Variants in VGF observed in about 807,000 individuals in gnomAD.
VGF encodes VGF nerve growth factor inducible, also known as neurosecretory protein VGF.
VGF carries 13 observed loss-of-function variants against 41.1 expected under a neutral mutation model. That is an observed-to-expected ratio of 0.32 (90% CI 0.21 to 0.50). The LOEUF (loss-of-function observed/expected upper bound fraction) is 0.50. Among genes scored for constraint, VGF ranks in the 20% least tolerant of loss-of-function variants. The pLI, the probability that VGF is intolerant of heterozygous loss-of-function variation, is 0.98. For missense variants in VGF, 920 were observed against 882.1 expected (o/e 1.04, Z -0.54); for synonymous variants, 473 against 418.3 (o/e 1.13, Z -1.60).
chr7:101,162,755 C>T lies in VGF; in HGVS notation c.*241G>A. ...GCCGGGGCCCCGCGTGGCAAGGGAA[C>T]TCGCACAAACCACCCGCCCTCCTGG... On this transcript the variant is annotated 3_prime_UTR_variant, in exon 2 of 2. Coordinates refer to ENST00000249330, the MANE Select transcript of VGF (RefSeq NM_003378.4). The surrounding 1 kb of genome is among the most constrained non-coding windows in gnomAD (Gnocchi z 4.2). 1.6e-6 allele frequency: 1 copy of T among 624,434 alleles called. No individual in the cohort carries two copies. The highest frequency in any genetic ancestry group is 3.0e-6 in the Non-Finnish European group (1 of 335,682). 38.7% of individuals were successfully genotyped at this position (624,434 alleles called of 1,614,324 possible).
rs1377054095 is a variant in VGF at position 101,163,100 on chromosome 7, G to A, written c.1744C>T (p.Gln582Ter). 6.4e-7 allele frequency: 1 copy of A among 1,574,228 alleles called. No homozygotes were observed. The highest frequency in any genetic ancestry group is 8.6e-7 in the Non-Finnish European group (1 of 1,163,468). The part of the protein sequence containing the change: ...PSRHYPGREA[Q>*]ARRAQEEAEA... ...GCCTCCTCCTGCGCGCGCCGCGCCT[G>A]GGCCTCCCGGCCGGGATAGTGGCGC... Residue 582 changes from glutamine to a stop codon, truncating the protein, a stop_gained, in exon 2 of 2, where the codon CAG becomes TAG. Coordinates refer to ENST00000249330, the MANE Select transcript of VGF (RefSeq NM_003378.4). LOFTEE classifies it high-confidence loss of function. This position sits in a 1 kb window ranked among gnomAD's most constrained non-coding sequence, Gnocchi z 5.0.
chr7:101,168,812 C>T (rs371645055), upstream of VGF, among the ~76,000 whole-genome samples: 4 of 152,146 alleles, frequency 2.6e-5, no homozygotes, highest in African/African-American at 9.6e-5. Flanking sequence ...CTTGTGGACC[C>T]CGAAGCTCAC....
chr7:101,163,951 TG>T lies in VGF; in HGVS notation c.892del (p.Gln298SerfsTer376). ...GGSEAGERLLQQGLAQVEAGR... is the reference protein window; with the variant it reads ...GGSEAGERLLXQGLAQVEAGR... ...GGCCTCCACCTGCGCCAGCCCTTGC[TG>T]GAGAAGGCGCTCGCCCGCCTCGGAG... On this transcript the variant is annotated frameshift_variant, in exon 2 of 2. Transcript: ENST00000249330. LOFTEE classifies it high-confidence loss of function. The surrounding 1 kb of genome is among the most constrained non-coding windows in gnomAD (Gnocchi z 5.0). 6.9e-7 allele frequency: 1 copy of T among 1,458,574 alleles called. No individual in the cohort carries two copies. Among genetic ancestry groups the T allele is most frequent in the South Asian group, 1.4e-5 (1 of 71,632 alleles). The allele number at this position is 1,458,574 out of a possible 1,614,324, so 90.4% of individuals were successfully genotyped here.
At position 101,164,065 on chromosome 7, in the gene VGF, T is replaced by G. The variant is rs763753177; in HGVS notation, c.779A>C (p.Glu260Ala). The G allele has an allele frequency of 2.7e-6, 4 of 1,498,252 alleles. No homozygotes were observed. Among genetic ancestry groups the G allele is most frequent in the Non-Finnish European group, 8.8e-7 (1 of 1,132,010 alleles). The allele number at this position is 1,498,252 out of a possible 1,614,324, so 92.8% of individuals were successfully genotyped here. A position where few individuals can be genotyped will look rare whatever the true frequency, so the allele number is the denominator to read the frequency against. ...GVSSPKTHLG[E>A]ALAPLSKAYQ... Reference sequence around the variant, plus strand: ...CGCCTTGGACAGGGGTGCCAATGCCTCGCCTAGGTGTGTTTTGGGGGAGGA... The same window carrying G: ...CGCCTTGGACAGGGGTGCCAATGCCGCGCCTAGGTGTGTTTTGGGGGAGGA... The change falls in exon 2 of 2, where the codon GAG becomes GCG. Residue 260 changes from glutamate to alanine, a missense_variant. Physicochemically the swap from Glu to Ala is moderately radical, Grantham distance 107. Coordinates refer to ENST00000249330, the MANE Select transcript of VGF (RefSeq NM_003378.4).
Position 101,164,138 on chromosome 7 carries a change from G to T in VGF, c.706C>A (p.Pro236Thr). The T allele has an allele frequency of 6.6e-7, 1 of 1,504,334 alleles. No homozygotes were observed. Among genetic ancestry groups the T allele is most frequent in the Non-Finnish European group, 8.8e-7 (1 of 1,134,684 alleles). 93.2% of individuals were successfully genotyped at this position (1,504,334 alleles called of 1,614,324 possible). The part of the protein sequence containing the change: ...PAPSQFQARM[P>T]DSGPLPETHK... Reference sequence around the variant, plus strand: ...GTTTCGGGAAGGGGCCCGCTGTCGGGCATACGCGCCTGGAATTGAGAGGGG... The same window carrying T: ...GTTTCGGGAAGGGGCCCGCTGTCGGTCATACGCGCCTGGAATTGAGAGGGG... Residue 236 changes from proline (P) to threonine (T), a missense_variant, in exon 2 of 2, where the codon CCC (proline) becomes ACC (threonine). Pro to Thr is a conservative substitution (Grantham distance 38, BLOSUM62 -1). This residue lies in a region of VGF where 654 missense variants were observed against 638.4 expected (regional missense o/e 1.02). Transcript: ENST00000249330.
Position 101,163,101 on chromosome 7 carries a change from G to C in VGF, c.1743C>G (p.Ala581=). The stretch of plus-strand genomic sequence containing the variant: ...CCTCCTCCTGCGCGCGCCGCGCCTG[G>C]GCCTCCCGGCCGGGATAGTGGCGCG... ...PPSRHYPGRE[A]QARRAQEEAE... Residue 581 remains alanine (A), a synonymous_variant, in exon 2 of 2, where the codon GCC becomes GCG. Transcript: ENST00000249330. This position sits in a 1 kb window ranked among gnomAD's most constrained non-coding sequence, Gnocchi z 5.0. The C allele has an allele frequency of 6.3e-7, 1 of 1,574,944 alleles. No homozygotes were observed. The highest frequency in any genetic ancestry group is 1.1e-5 in the South Asian group (1 of 87,100).
Position 101,165,526 on chromosome 7 carries a change from C to T in VGF, c.-173G>A. On this transcript the variant is annotated 5_prime_UTR_variant, in exon 1 of 2. Transcript: ENST00000249330. ...TCCCGTGGGCTGGGCTCAGCTGGGT[C>T]GGCGCGGCTCCGGGCGGCTAGCTCG... is the stretch of plus-strand genomic sequence containing the variant. 5.1e-6 allele frequency: 5 copies of T among 985,428 alleles called. No individual in the cohort carries two copies. Among genetic ancestry groups the T allele is most frequent in the Non-Finnish European group, 6.0e-6 (5 of 829,944 alleles). 61.0% of individuals were successfully genotyped at this position (985,428 alleles called of 1,614,324 possible).
At chr7:101,167,999 G>A (rs1433941091), upstream of VGF, among the ~76,000 whole-genome samples, 2 of 145,260 alleles carry the variant, frequency 1.4e-5, no homozygotes, top group East Asian at 4.3e-4. This position sits in a 1 kb window ranked among gnomAD's most constrained non-coding sequence, Gnocchi z 4.2. Context: ...GCGTGTGTGT[G>A]TGCTGGGTTG....
At position 101,163,036 on chromosome 7, in the gene VGF, AGCTCCTCCTGCTCCTGCAGCCGGC is replaced by A; in HGVS notation, c.1784_1807del (p.Arg595_Glu602del). ...CAGCACGTGCTCGATGTAATTCTCC[AGCTCCTCCTGCTCCTGCAGCCGGC>A]GCTCCTCCGCCTCCGCCTCCTCCTG... On this transcript the variant is annotated inframe_deletion, in exon 2 of 2. Transcript: ENST00000249330. This position sits in a 1 kb window ranked among gnomAD's most constrained non-coding sequence, Gnocchi z 5.0. The A allele has an allele frequency of 6.4e-7, 1 of 1,566,044 alleles. No homozygotes were observed. Among genetic ancestry groups the A allele is most frequent in the East Asian group, 2.5e-5 (1 of 39,502 alleles).
At chr7:101,164,928 TC>T (rs1382028194) in intron 1 of VGF, 65 bp from the exon 2 acceptor site, 15 of 1,445,458 alleles carry the variant, frequency 1.0e-5, no homozygotes, top group Non-Finnish European at 1.4e-5. Flanking sequence ...AGGTCTACGT[TC>T]CCTTCCCCCA....
Position 101,164,505 on chromosome 7 carries a change from A to T in VGF, c.339T>A (p.Ala113=). Residue 113 remains alanine (A), a synonymous_variant, in exon 2 of 2, where the codon GCT becomes GCA. Coordinates refer to ENST00000249330, the MANE Select transcript of VGF (RefSeq NM_003378.4). ...GGCTGCGCACGGTCTCGGTCAGCAG[A>T]GCTTCAGCTGCTTCTTCCTCCGGCC... ...QQGPEEEAAE[A]LLTETVRSQT... 3 of 1,600,260 alleles carry T rather than the reference A, an allele frequency of 1.9e-6. No individual in the cohort carries two copies. The highest frequency in any genetic ancestry group is 2.5e-6 in the Non-Finnish European group (3 of 1,179,016).
Position 101,164,103 on chromosome 7 carries a change from G to A in VGF, c.741C>T (p.Phe247=), listed in dbSNP as rs766037851. ...DSGPLPETHK[F]GEGVSSPKTH... is the part of the protein sequence containing the mutation. ...TTTTGGGGGAGGACACTCCTTCCCCGAACTTGTGGGTTTCGGGAAGGGGCC... is the reference window on the plus strand; with the variant it reads ...TTTTGGGGGAGGACACTCCTTCCCCAAACTTGTGGGTTTCGGGAAGGGGCC... The change falls in exon 2 of 2, where the codon TTC becomes TTT. Residue 247 remains phenylalanine, a synonymous_variant. Coordinates refer to ENST00000249330, the MANE Select transcript of VGF (RefSeq NM_003378.4). 9.3e-6 allele frequency: 14 copies of A among 1,500,496 alleles called. No individual in the cohort carries two copies. In the South Asian group the frequency reaches 1.6e-4, roughly 17 times the overall value. The allele number at this position is 1,500,496 out of a possible 1,614,324, so 92.9% of individuals were successfully genotyped here.
chr7:101,164,345 G>T lies in VGF; in HGVS notation c.499C>A (p.Arg167=), dbSNP rs781296347. The change falls in exon 2 of 2, where the codon CGA becomes AGA. Residue 167 remains arginine (R), a synonymous_variant. Coordinates refer to ENST00000249330, the MANE Select transcript of VGF (RefSeq NM_003378.4). The part of the protein sequence containing the change: ...EALASLLQEL[R]DFSPSSAKRQ... ...TTGGCGCTACTTGGACTGAAATCTC[G>T]CAGTTCCTGGAGCAGGGACGCTAGC... 1.2e-6 allele frequency: 2 copies of T among 1,611,822 alleles called. No homozygotes were observed.
chr7:101,164,940 C>T, intron 1 of VGF, 77 bp from the exon 2 acceptor site: 1 of 1,428,786 alleles, frequency 7.0e-7, no homozygotes, highest in Middle Eastern at 2.3e-4. Context: ...CCTTCCCCCA[C>T]CTTTCAGCAG....
chr7:101,165,561 C>T lies in VGF; in HGVS notation c.-208G>A. 2.0e-6 allele frequency: 2 copies of T among 985,452 alleles called. No homozygotes were observed. The highest frequency in any genetic ancestry group is 2.4e-6 in the Non-Finnish European group (2 of 829,950). The allele number at this position is 985,452 out of a possible 1,614,324, so 61.0% of individuals were successfully genotyped here. On this transcript the variant is annotated 5_prime_UTR_variant, in exon 1 of 2. Coordinates refer to ENST00000249330, the MANE Select transcript of VGF (RefSeq NM_003378.4). ...CCGGGCGGCTAGCTCGCTCCGGCTT[C>T]AGCACGCTGGACAGCGCCCGCGCCT... is the stretch of plus-strand genomic sequence containing the variant.
At chr7:101,165,639 A>G, upstream of VGF, 1 of 985,124 alleles carries the variant, frequency 1.0e-6, no homozygotes, top group Non-Finnish European at 1.2e-6. Flanking sequence ...GCCCCGCCCC[A>G]TTGACGTCAA....
upstream of VGF, among the ~76,000 whole-genome samples, chr7:101,168,047 C>G (rs538202116): frequency 3.7e-4 from 55 of 147,362 alleles, no homozygotes; most frequent in African/African-American, 1.3e-3. Context: ...TTCTGCATGC[C>G]TGTATGCCCA....
Position 101,163,484 on chromosome 7 carries a change from T to C in VGF, c.1360A>G (p.Ser454Gly), listed in dbSNP as rs745653052. The change falls in exon 2 of 2, where the codon AGC becomes GGC. Residue 454 changes from serine (S) to glycine (G), a missense_variant. Around this residue, in one of 3 missense-constraint regions of VGF, gnomAD observed 9 missense variants for 26.5 expected, o/e 0.34. Coordinates refer to ENST00000249330, the MANE Select transcript of VGF (RefSeq NM_003378.4). This position sits in a 1 kb window ranked among gnomAD's most constrained non-coding sequence, Gnocchi z 5.0. The stretch of plus-strand genomic sequence containing the variant: ...AGTTTGGTGGACAGCTCAATGAGGC[T>C]GTCGATCGTCTGCGGATCCATCTCC... ...DEEMDPQTID[S>G]LIELSTKLHL... is the part of the protein sequence containing the mutation. 1 of 1,613,084 alleles carries C rather than the reference T, an allele frequency of 6.2e-7. No homozygotes were observed. Among genetic ancestry groups the C allele is most frequent in the East Asian group, 2.2e-5 (1 of 44,846 alleles).
chr7:101,169,507 C>T (rs1797272967), upstream of VGF, among the ~76,000 whole-genome samples: 1 of 152,150 alleles, frequency 6.6e-6, no homozygotes, highest in South Asian at 2.1e-4. Context: ...CACACCTAGC[C>T]TAGCAGTTAC....
Sources: gnomAD v4.1 joint callset for allele counts (sites outside exome capture counted in the v4.1 genomes callset) on GRCh38, gnomAD v4.1.1 for gene constraint, gnomAD v4.1.1 regional missense constraint, Gnocchi (gnomAD v3.1) non-coding constraint, MANE v1.5 for transcripts, NCBI Gene and HGNC (gene_info 2026-07-23, HGNC 2026-07-21) for gene names.